The following MAP4K4 variants were observed in gnomAD, a reference collection of about 807,000 sequenced individuals.
MAP4K4 encodes mitogen-activated protein kinase kinase kinase kinase 4, also known as HPK/GCK-like kinase HGK.
Under a neutral mutation model 189.6 loss-of-function variants are expected in MAP4K4, and 38 were observed. The ratio of observed to expected loss-of-function variants is 0.20; its 90% CI spans 0.15 to 0.26. The LOEUF (loss-of-function observed/expected upper bound fraction) is 0.26. Among genes scored for constraint, MAP4K4 ranks in the 10% least tolerant of loss-of-function variants. The pLI, the probability that MAP4K4 is intolerant of heterozygous loss-of-function variation, is 1.00. For synonymous variants in MAP4K4, 610 were observed against 624.3 expected (o/e 0.98, Z 0.34); for missense variants, 1,054 against 1,726.9 (o/e 0.61, Z 6.91).
At chr2:101,827,908 G>C (rs1056152764) in intron 5 of MAP4K4, among the ~76,000 whole-genome samples, 1 of 152,206 alleles carries the variant, frequency 6.6e-6, no homozygotes, top group African/African-American at 2.4e-5. Context: ...CTCGAGGATA[G>C]GTCCTTCACT....
chr2:101,825,455 CT>C, intron 5 of MAP4K4, 26 bp downstream of exon 5: 2 of 1,461,498 alleles, frequency 1.4e-6, no homozygotes, highest in Middle Eastern at 1.8e-4. Flanking sequence ...GGCTACAGTG[CT>C]CCAACTCATG....
rs1005067211 is a variant in MAP4K4 at position 101,732,456 on chromosome 2, G to A, written c.123+33918G>A. ...ATTCGGGGGAGTTTTCCTTCTACCCGGTTTCATTCCCCGCTCCCCTAGCCC... is the reference window on the plus strand; with the variant it reads ...ATTCGGGGGAGTTTTCCTTCTACCCAGTTTCATTCCCCGCTCCCCTAGCCC... On this transcript the variant is annotated intron_variant, in intron 2 of 32. Transcript: ENST00000324219. Among the ~76,000 whole-genome samples the A allele has an allele frequency of 6.6e-5, 10 of 152,170 alleles. No individual in the cohort carries two copies. In the East Asian group the frequency reaches 1.9e-3, roughly 29 times the overall value.
At chr2:101,893,478 T>C in exon 33 of MAP4K4, 1 of 340,584 alleles carries the variant, frequency 2.9e-6, no homozygotes, top group Non-Finnish European at 5.8e-6. Flanking sequence ...GCTTGTAATT[T>C]ATATCCATGT....
At chr2:101,806,954 C>T (rs921199387) in intron 3 of MAP4K4, among the ~76,000 whole-genome samples, 2 of 152,146 alleles carry the variant, frequency 1.3e-5, no homozygotes, top group Non-Finnish European at 2.9e-5. Context: ...GCCTGGCTGG[C>T]CCTGGCGATT....
chr2:101,710,815 A>T (rs1306675191), intron 2 of MAP4K4, among the ~76,000 whole-genome samples: 6 of 152,192 alleles, frequency 3.9e-5, no homozygotes, highest in African/African-American at 1.4e-4. Context: ...GTTAAAACCC[A>T]CTGAGCTGAT....
intron 2 of MAP4K4, among the ~76,000 whole-genome samples, chr2:101,738,543 C>T (rs1293824814): frequency 6.6e-6 from 1 of 152,040 alleles, no homozygotes; most frequent in Non-Finnish European, 1.5e-5. Flanking sequence ...TGAAAGAAAT[C>T]GACTTGTAGA....
At chr2:101,722,407 T>G (rs1187296505) in intron 2 of MAP4K4, among the ~76,000 whole-genome samples, 1 of 152,228 alleles carries the variant, frequency 6.6e-6, no homozygotes, top group African/African-American at 2.4e-5. Flanking sequence ...GTTTTGTTTC[T>G]TTTACCTTCA....
At chr2:101,843,775 T>C (rs1222690913) in intron 11 of MAP4K4, among the ~76,000 whole-genome samples, 2 of 152,158 alleles carry the variant, frequency 1.3e-5, no homozygotes, top group South Asian at 4.1e-4. Flanking sequence ...AAAAAAAAAG[T>C]GGTTAAAGGA....
At chr2:101,860,934 A>G (rs1464270892) in exon 16 of MAP4K4, 16 of 1,605,778 alleles carry the variant, frequency 1.0e-5, no homozygotes, top group East Asian at 6.7e-5. Flanking sequence ...TCTTTTTCCA[A>G]TGGCAACTCC....
chr2:101,732,340 A>G (rs1281930532), intron 2 of MAP4K4, among the ~76,000 whole-genome samples: 1 of 152,184 alleles, frequency 6.6e-6, no homozygotes, highest in Non-Finnish European at 1.5e-5. Flanking sequence ...CAAAGGGAGA[A>G]TGGCAGGCAA....
chr2:101,793,455 C>T (rs1404692181), intron 3 of MAP4K4, among the ~76,000 whole-genome samples: 1 of 151,914 alleles, frequency 6.6e-6, no homozygotes, highest in Non-Finnish European at 1.5e-5. Flanking sequence ...GACCTGGGAG[C>T]AAGTGGGGAG....
chr2:101,729,101 A>AGTGTGTGTGT (rs57635166), intron 2 of MAP4K4, among the ~76,000 whole-genome samples: 5,167 of 130,534 alleles, frequency 0.04, 142 homozygotes, highest in East Asian at 0.11. Context: ...AGAGAGAGAG[A>AGTGTGTGTGT]GTGTGTGTGT....
At chr2:101,819,400 A>G (rs193118216) in intron 3 of MAP4K4, among the ~76,000 whole-genome samples, 2 of 152,378 alleles carry the variant, frequency 1.3e-5, no homozygotes, top group East Asian at 1.9e-4. Context: ...GCTCAAAGCC[A>G]TGGCAGATTC....
intron 2 of MAP4K4, among the ~76,000 whole-genome samples, chr2:101,763,909 G>C (rs1275443585): frequency 6.6e-6 from 1 of 152,100 alleles, no homozygotes; most frequent in Non-Finnish European, 1.5e-5. Context: ...CAAGGCTGTG[G>C]CTGGAGAGGG....
At chr2:101,708,727 C>G (rs186672228) in intron 2 of MAP4K4, among the ~76,000 whole-genome samples, 1 of 152,180 alleles carries the variant, frequency 6.6e-6, no homozygotes, top group African/African-American at 2.4e-5. Context: ...TATTGGAACA[C>G]TTTGATCATG....
At chr2:101,785,812 T>G in intron 2 of MAP4K4, among the ~76,000 whole-genome samples, 1 of 80,482 alleles carries the variant, frequency 1.2e-5, no homozygotes. Context: ...TTTCTCTTCT[T>G]TCTTTCTTTC....
At chr2:101,848,188 T>C (rs2097170123) in intron 12 of MAP4K4, among the ~76,000 whole-genome samples, 1 of 152,214 alleles carries the variant, frequency 6.6e-6, no homozygotes, top group African/African-American at 2.4e-5. Context: ...TGACTGTACT[T>C]TATATCATCT....
At chr2:101,814,315 T>A (rs531745334) in intron 3 of MAP4K4, among the ~76,000 whole-genome samples, 1 of 152,216 alleles carries the variant, frequency 6.6e-6, no homozygotes, top group Non-Finnish European at 1.5e-5. Context: ...TTTACCCAAG[T>A]CTGTGACACT....
intron 2 of MAP4K4, among the ~76,000 whole-genome samples, chr2:101,742,974 GAA>G (rs2063524467): frequency 6.6e-6 from 1 of 152,122 alleles, no homozygotes; most frequent in Non-Finnish European, 1.5e-5. Context: ...TGCTCTTTTT[GAA>G]AGAGGTTTTA....
Sources: gnomAD v4.1 joint callset for allele counts (sites outside exome capture counted in the v4.1 genomes callset) on GRCh38, gnomAD v4.1.1 for gene constraint, MANE v1.5 for transcripts, NCBI Gene and HGNC (gene_info 2026-07-23, HGNC 2026-07-21) for gene names.